Variants in HEXA observed in about 807,000 individuals in gnomAD.
HEXA encodes the protein beta-hexosaminidase subunit alpha.
In HEXA, 54 loss-of-function variants were observed where a neutral mutation model predicts 73.3. The observed-to-expected ratio is 0.74, with a 90% CI of 0.59 to 0.92. HEXA has a LOEUF of 0.92. Among genes scored for constraint, HEXA ranks in the 40% least tolerant of loss-of-function variants. The pLI is 0.00. For synonymous variants in HEXA, 230 were observed against 246.9 expected (o/e 0.93, Z 0.64); for missense variants, 649 against 653.0 (o/e 0.99, Z 0.07).
At chr15:72,368,036 G>A (rs1219840740) in intron 1 of HEXA, among the ~76,000 whole-genome samples, 1 of 152,070 alleles carries the variant, frequency 6.6e-6, no homozygotes, top group African/African-American at 2.4e-5. Context: ...TTAAGGACGG[G>A]GAAGTTCAAT....
chr15:72,347,834 G>A (rs933399211), intron 9 of HEXA, 76 bp from the exon 10 acceptor site: 4 of 1,411,404 alleles, frequency 2.8e-6, no homozygotes, highest in Middle Eastern at 1.8e-4. Context: ...CAGTGCTCTA[G>A]GGGTTGAGCC....
Position 72,348,088 on chromosome 15 carries a change from C to T in HEXA, c.1033G>A (p.Gly345Ser), listed in dbSNP as rs775322979. 2.0e-5 allele frequency: 33 copies of T among 1,613,698 alleles called. No individual in the cohort carries two copies. Among genetic ancestry groups the T allele is most frequent in the Middle Eastern group, 1.6e-4 (1 of 6,084 alleles). Residue 345 changes from glycine (G) to serine (S), a missense_variant, in exon 9 of 14, where the codon GGT (glycine) becomes AGT (serine). Gly to Ser is a moderately conservative substitution (Grantham distance 56, BLOSUM62 0). Transcript: ENST00000268097. Reference protein sequence around the residue: ...IQDFMRKKGFGEDFKQLESFY... With the variant: ...IQDFMRKKGFSEDFKQLESFY... ...GACTCCAGCTGCTTGAAGTCCTCAC[C>T]GAAGCCTTTCTTCCTCATAAAGTCC...
chr15:72,353,705 AT>A lies in HEXA; in HGVS notation c.444del (p.Lys148AsnfsTer51). ...GLETFSQLVW[K>X]SAEGTFFINK... ...TCCACACTTACTGTGCCCTCAGCAGATTTCCAAACAAGCTGGCTAAAAGTCT... is the reference window on the plus strand; with the variant it reads ...TCCACACTTACTGTGCCCTCAGCAGATTCCAAACAAGCTGGCTAAAAGTCT... On this transcript the variant is annotated frameshift_variant, in exon 4 of 14. Coordinates refer to ENST00000268097, the MANE Select transcript of HEXA (RefSeq NM_000520.6). LOFTEE classifies it high-confidence loss of function. The A allele has an allele frequency of 6.2e-7, 1 of 1,613,208 alleles. No homozygotes were observed. The highest frequency in any genetic ancestry group is 8.5e-7 in the Non-Finnish European group (1 of 1,179,154).
intron 1 of HEXA, 41 bp downstream of exon 1, chr15:72,375,679 C>CTGAG: frequency 6.2e-7 from 1 of 1,612,468 alleles, no homozygotes; most frequent in South Asian, 1.1e-5. Flanking sequence ...CAGGCAGGCA[C>CTGAG]TCTCAGGGCC....
chr15:72,343,763 C>T lies in HEXA; in HGVS notation c.*314G>A. ...CAGGCAAGGCAGAACAGCACAAAGG[C>T]TATAGGTTTCATTCCCAGCCCTCAA... On this transcript the variant is annotated 3_prime_UTR_variant, in exon 14 of 14. Transcript: ENST00000268097. 1 of 383,400 alleles carries T rather than the reference C, an allele frequency of 2.6e-6. No homozygotes were observed. Among genetic ancestry groups the T allele is most frequent in the Non-Finnish European group, 5.0e-6 (1 of 199,436 alleles). 23.7% of individuals were successfully genotyped at this position (383,400 alleles called of 1,614,324 possible).
chr15:72,363,905 A>G (rs2088884193), intron 1 of HEXA, among the ~76,000 whole-genome samples: 1 of 152,162 alleles, frequency 6.6e-6, no homozygotes, highest in South Asian at 2.1e-4. Context: ...TAGTTATAAC[A>G]TTTTGCACAA....
intron 1 of HEXA, among the ~76,000 whole-genome samples, chr15:72,375,359 C>T (rs2089048366): frequency 6.6e-6 from 1 of 152,088 alleles, no homozygotes; most frequent in Non-Finnish European, 1.5e-5. Flanking sequence ...GTGCCAGAAA[C>T]TTGTATGTAA....
At chr15:72,346,153 G>T in intron 12 of HEXA, 82 bp downstream of exon 12, 1 of 950,074 alleles carries the variant, frequency 1.1e-6, no homozygotes, top group Non-Finnish European at 1.7e-6. Flanking sequence ...CTAGTCCAGA[G>T]GTGGCTAGAT....
At chr15:72,375,085 TGGG>T (rs58016062) in intron 1 of HEXA, among the ~76,000 whole-genome samples, 1 of 137,118 alleles carries the variant, frequency 7.3e-6, no homozygotes, top group African/African-American at 2.7e-5. Context: ...TTGTTTTGTT[TGGG>T]GGGGGGGGTT....
At chr15:72,373,056 G>A (rs545422668) in intron 1 of HEXA, among the ~76,000 whole-genome samples, 14 of 152,232 alleles carry the variant, frequency 9.2e-5, no homozygotes, top group Admixed American at 2.6e-4. Context: ...GCTTGAGACC[G>A]GGAGGCAGAG....
At chr15:72,371,764 A>T (rs963003680) in intron 1 of HEXA, among the ~76,000 whole-genome samples, 1 of 152,216 alleles carries the variant, frequency 6.6e-6, no homozygotes, top group Admixed American at 6.5e-5. Context: ...GGAGATCCAG[A>T]TTATAATGAA....
At position 72,345,913 on chromosome 15, in the gene HEXA, G is replaced by A. The variant is rs186302273; in HGVS notation, c.1421+322C>T. 7 of 529,992 alleles carry A rather than the reference G, an allele frequency of 1.3e-5. 2 individuals are homozygous for A. The highest frequency in any genetic ancestry group is 9.5e-5 in the African/African-American group (5 of 52,668). 32.8% of individuals were successfully genotyped at this position (529,992 alleles called of 1,614,324 possible). A position where few individuals can be genotyped will look rare whatever the true frequency, so the allele number is the denominator to read the frequency against. On this transcript the variant is annotated intron_variant, in intron 12 of 13. Coordinates refer to ENST00000268097, the MANE Select transcript of HEXA (RefSeq NM_000520.6). ...AAGGCTGCAGTGAAAACAGCAGAGG[G>A]AAGCCTTATTACAGGAATCATGGAT...
rs1350392727 is a variant in HEXA at position 72,349,001 on chromosome 15, A to C, written c.986+78T>G. The stretch of plus-strand genomic sequence containing the variant: ...ACCCCTGAGAGCAGCAGCTGAGCTA[A>C]GCAGCCCCTCGGGTGCTAACTTCTA... On this transcript the variant is annotated intron_variant, in intron 8 of 13. Coordinates refer to ENST00000268097, the MANE Select transcript of HEXA (RefSeq NM_000520.6). The C allele has an allele frequency of 1.4e-5, 17 of 1,188,648 alleles. No individual in the cohort carries two copies. In the South Asian group the frequency reaches 2.1e-4, roughly 15 times the overall value. The allele number at this position is 1,188,648 out of a possible 1,614,324, so 73.6% of individuals were successfully genotyped here.
chr15:72,346,425 T>C lies in HEXA; in HGVS notation c.1331-100A>G, dbSNP rs2140320477. ...GTGGCCCTCACCCCAGCTAAGTTGT[T>C]TCATTTACTAACTGGAAATGTCTGG... On this transcript the variant is annotated intron_variant, in intron 11 of 13. Coordinates refer to ENST00000268097, the MANE Select transcript of HEXA (RefSeq NM_000520.6). The C allele has an allele frequency of 3.3e-6, 5 of 1,510,354 alleles. No homozygotes were observed. In the East Asian group the frequency reaches 1.1e-4, roughly 34 times the overall value. The allele number at this position is 1,510,354 out of a possible 1,614,324, so 93.6% of individuals were successfully genotyped here.
At chr15:72,354,950 T>C (rs1222004596) in intron 3 of HEXA, 2 of 155,598 alleles carry the variant, frequency 1.3e-5, no homozygotes, top group African/African-American at 2.4e-5. Context: ...TTTTTTTGCA[T>C]GTATCTATTT....
At position 72,350,557 on chromosome 15, in the gene HEXA, C is replaced by T; in HGVS notation, c.766G>A (p.Glu256Lys). 6.2e-7 allele frequency: 1 copy of T among 1,614,174 alleles called. No homozygotes were observed. The highest frequency in any genetic ancestry group is 8.5e-7 in the Non-Finnish European group (1 of 1,180,024). Residue 256 changes from glutamate (E) to lysine (K), a missense_variant, in exon 7 of 14, where the codon GAG (glutamate) becomes AAG (lysine). Coordinates refer to ENST00000268097, the MANE Select transcript of HEXA (RefSeq NM_000520.6). ...AAAGTGTGGCCAGGAGTGTCAAACT[C>T]TGCAAGCACACGGATACCCCGGAGC... ...ARLRGIRVLA[E>K]FDTPGHTLSW...
At chr15:72,344,228 C>A (rs971799812) in intron 13 of HEXA, 88 bp from the exon 14 acceptor site, 2 of 904,724 alleles carry the variant, frequency 2.2e-6, no homozygotes, top group Admixed American at 3.8e-5. Context: ...GTCTCTCCTT[C>A]CCCATTTCGG....
Position 72,353,723 on chromosome 15 carries a change from TAA to T in HEXA, c.425_426del (p.Phe142Ter), listed in dbSNP as rs1057519458. The T allele has an allele frequency of 6.2e-7, 1 of 1,612,696 alleles. No individual in the cohort carries two copies. Among genetic ancestry groups the T allele is most frequent in the South Asian group, 1.1e-5 (1 of 91,044 alleles). On this transcript the variant is annotated frameshift_variant, in exon 4 of 14. Coordinates refer to ENST00000268097, the MANE Select transcript of HEXA (RefSeq NM_000520.6). LOFTEE classifies it high-confidence loss of function. ...TCAGCAGATTTCCAAACAAGCTGGC[TAA>T]AAGTCTCCAGACCTAGGAAGATGTA... ...VWGALRGLETFSQLVWKSAEG... is the reference protein window; with the variant it reads ...VWGALRGLETXSQLVWKSAEG...
chr15:72,349,316 G>C, intron 7 of HEXA, 57 bp from the exon 8 acceptor site: 2 of 1,334,292 alleles, frequency 1.5e-6, no homozygotes, highest in Admixed American at 3.4e-5. Flanking sequence ...CCCACGCACA[G>C]TCCTACACGT....
Sources: gnomAD v4.1 joint callset for allele counts (sites outside exome capture counted in the v4.1 genomes callset) on GRCh38, gnomAD v4.1.1 for gene constraint, MANE v1.5 for transcripts, NCBI Gene and HGNC (gene_info 2026-07-23, HGNC 2026-07-21) for gene names.